The following ADGRE1 variants were observed in gnomAD, a reference collection of about 807,000 sequenced individuals.
The protein encoded by ADGRE1 is adhesion G protein-coupled receptor E1.
Under a neutral mutation model 102.7 loss-of-function variants are expected in ADGRE1, and 82 were observed. The observed-to-expected ratio is 0.80, with a 90% CI of 0.67 to 0.96. The LOEUF (loss-of-function observed/expected upper bound fraction) is 0.96, where lower values mean the gene tolerates loss of function less well. Ranked by LOEUF, ADGRE1 falls within the 40% of genes least tolerant of loss-of-function variation. ADGRE1 has a pLI of 0.00. For synonymous variants in ADGRE1, 398 were observed against 399.6 expected (o/e 1.00, Z 0.05); for missense variants, 1,032 against 1,085.3 (o/e 0.95, Z 0.69).
Position 6,937,186 on chromosome 19 carries a change from C to G in ADGRE1, c.2382-57C>G. On this transcript the variant is annotated intron_variant, in intron 18 of 20. Transcript: ENST00000312053. ...CCTCAGACCATTCCTGGAAGTGTGG[C>G]CTGCAAGGACAATAGCCACCTCCCA... 4.5e-6 allele frequency: 7 copies of G among 1,552,880 alleles called. No individual in the cohort carries two copies. In the South Asian group the frequency reaches 8.4e-5, roughly 19 times the overall value.
chr19:6,920,824 C>A (rs1974637930), intron 13 of ADGRE1, among the ~76,000 whole-genome samples: 1 of 152,116 alleles, frequency 6.6e-6, no homozygotes, highest in African/African-American at 2.4e-5. Context: ...AGGATACATT[C>A]TTAAAGCATG....
At chr19:6,930,407 T>TAA (rs756109135) in intron 17 of ADGRE1, among the ~76,000 whole-genome samples, 3 of 152,232 alleles carry the variant, frequency 2.0e-5, no homozygotes, top group Non-Finnish European at 4.4e-5. Flanking sequence ...CATTCCCTTA[T>TAA]GTCTTTTGTC....
At chr19:6,937,454 CT>C in intron 19 of ADGRE1, 43 bp downstream of exon 19, 1 of 1,583,152 alleles carries the variant, frequency 6.3e-7, no homozygotes, top group Non-Finnish European at 8.6e-7. Context: ...TCCCATCCCC[CT>C]CTCCCCCCTT....
chr19:6,929,521 ATT>A (rs71177130), intron 17 of ADGRE1, among the ~76,000 whole-genome samples: 27 of 149,842 alleles, frequency 1.8e-4, no homozygotes, highest in African/African-American at 4.4e-4. Flanking sequence ...CGGAGCTGCC[ATT>A]TTTTTTTTCT....
intron 17 of ADGRE1, among the ~76,000 whole-genome samples, chr19:6,930,398 A>C (rs1568362924): frequency 6.6e-6 from 1 of 152,142 alleles, no homozygotes; most frequent in Non-Finnish European, 1.5e-5. Flanking sequence ...ATGGTGGCTC[A>C]TTCCCTTATG....
intron 2 of ADGRE1, 118 bp downstream of exon 2, chr19:6,890,661 G>A: frequency 9.6e-7 from 1 of 1,045,416 alleles, no homozygotes. Context: ...GTTAGCGGCA[G>A]AGCAAGGGTT....
intron 1 of ADGRE1, among the ~76,000 whole-genome samples, chr19:6,888,819 T>C (rs956931928): frequency 6.6e-6 from 1 of 152,184 alleles, no homozygotes; most frequent in Non-Finnish European, 1.5e-5. Flanking sequence ...TTAGAAGAAA[T>C]AGGTGGCCTG....
chr19:6,913,352 T>C (rs1244972981), intron 10 of ADGRE1, among the ~76,000 whole-genome samples: 1 of 152,010 alleles, frequency 6.6e-6, no homozygotes, highest in East Asian at 1.9e-4. Flanking sequence ...CTAAATTTTT[T>C]TGTATTTTTA....
intron 9 of ADGRE1, among the ~76,000 whole-genome samples, chr19:6,908,058 G>T (rs1974035378): frequency 6.6e-6 from 1 of 152,218 alleles, no homozygotes; most frequent in Non-Finnish European, 1.5e-5. Context: ...AAGGTTGTGG[G>T]TTTACCGGAA....
At chr19:6,934,679 C>T (rs1264990855) in intron 17 of ADGRE1, among the ~76,000 whole-genome samples, 1 of 151,182 alleles carries the variant, frequency 6.6e-6, no homozygotes, top group Admixed American at 6.6e-5. Context: ...CTGTCTGCAA[C>T]CTCTGCCTCC....
intron 2 of ADGRE1, among the ~76,000 whole-genome samples, chr19:6,894,608 G>T (rs1305953379): frequency 6.6e-6 from 1 of 152,156 alleles, no homozygotes; most frequent in Non-Finnish European, 1.5e-5. Context: ...GGTTGGGTCT[G>T]GTCACTGGGG....
intron 17 of ADGRE1, 23 bp downstream of exon 17, chr19:6,928,234 TGGCGAA>T: frequency 6.2e-7 from 1 of 1,614,140 alleles, no homozygotes; most frequent in Non-Finnish European, 8.5e-7. Flanking sequence ...TACAACAGCC[TGGCGAA>T]GTGTGTTCTG....
At chr19:6,898,792 G>T in intron 5 of ADGRE1, 1 of 467,776 alleles carries the variant, frequency 2.1e-6, no homozygotes, top group Non-Finnish European at 3.8e-6. Context: ...AGAAAATTGG[G>T]GCTCAGAGAG....
At position 6,924,806 on chromosome 19, in the gene ADGRE1, C is replaced by T; in HGVS notation, c.1920C>T (p.His640=). 6.2e-7 allele frequency: 1 copy of T among 1,614,168 alleles called. No individual in the cohort carries two copies. The highest frequency in any genetic ancestry group is 2.2e-5 in the East Asian group (1 of 44,862). The change falls in exon 15 of 21, where the codon CAC becomes CAT. Residue 640 remains histidine (H), a synonymous_variant. Coordinates refer to ENST00000312053, the MANE Select transcript of ADGRE1 (RefSeq NM_001974.5). ...IRNHNTYLHL[H]LCVCLLLAKT... is the part of the protein sequence containing the mutation. ...ATCACAACACCTACCTCCACCTGCA[C>T]CTCTGCGTGTGTCTCCTCTTGGCGA...
chr19:6,904,082 T>C lies in ADGRE1; in HGVS notation c.849T>C (p.Ser283=), dbSNP rs146405059. 25 of 1,614,142 alleles carry C rather than the reference T, an allele frequency of 1.5e-5. No individual in the cohort carries two copies. The highest frequency in any genetic ancestry group is 4.4e-5 in the South Asian group (4 of 91,096). ...ATCCATCAACCTGTGGTCCTAATTCTATCTGCACCAATGCCCTGGGCTCCT... is the reference window on the plus strand; with the variant it reads ...ATCCATCAACCTGTGGTCCTAATTCCATCTGCACCAATGCCCTGGGCTCCT... ...RQDPSTCGPN[S]ICTNALGSYS... The change falls in exon 8 of 21, where the codon TCT becomes TCC. Residue 283 remains serine (S), a synonymous_variant. Coordinates refer to ENST00000312053, the MANE Select transcript of ADGRE1 (RefSeq NM_001974.5).
intron 11 of ADGRE1, among the ~76,000 whole-genome samples, chr19:6,915,927 A>AC (rs11369252): frequency 0.19 from 26,122 of 135,158 alleles, 2,801 homozygotes; most frequent in Middle Eastern, 0.26. Flanking sequence ...TCTCAAAAAA[A>AC]AAAAAAAAAA....
At chr19:6,936,697 A>G (rs973527711) in intron 18 of ADGRE1, among the ~76,000 whole-genome samples, 13 of 147,834 alleles carry the variant, frequency 8.8e-5, no homozygotes, top group Admixed American at 7.5e-4. Flanking sequence ...GTCTCGACTC[A>G]CTGCAACCTC....
Position 6,928,169 on chromosome 19 carries a change from G to A in ADGRE1, c.2247G>A (p.Gly749=). The A allele has an allele frequency of 6.2e-7, 1 of 1,614,100 alleles. No homozygotes were observed. The highest frequency in any genetic ancestry group is 1.1e-5 in the South Asian group (1 of 91,082). Residue 749 remains glycine (G), a synonymous_variant, in exon 17 of 21, where the codon GGG becomes GGA. Coordinates refer to ENST00000312053, the MANE Select transcript of ADGRE1 (RefSeq NM_001974.5). ...GCTGCTGGCTGAATACAGAGACAGG[G>A]TTCATCTGGAGTTTCTTGGGGCCAG... is the stretch of plus-strand genomic sequence containing the variant. ...HNRCWLNTET[G]FIWSFLGPVC...
chr19:6,907,600 A>C (rs1974015528), intron 9 of ADGRE1, among the ~76,000 whole-genome samples: 1 of 152,004 alleles, frequency 6.6e-6, no homozygotes, highest in Non-Finnish European at 1.5e-5. Flanking sequence ...TCAGCCTCCC[A>C]ATGTTCTGGG....
Sources: gnomAD v4.1 joint callset for allele counts (sites outside exome capture counted in the v4.1 genomes callset) on GRCh38, gnomAD v4.1.1 for gene constraint, MANE v1.5 for transcripts, NCBI Gene and HGNC (gene_info 2026-07-23, HGNC 2026-07-21) for gene names.